The following AFDN variants were observed in gnomAD, a reference collection of about 807,000 sequenced individuals.
AFDN encodes afadin, adherens junction formation factor.
AFDN carries 68 observed loss-of-function variants against 216.6 expected under a neutral mutation model. The observed-to-expected ratio is 0.31, with a 90% CI of 0.26 to 0.38. AFDN has a LOEUF of 0.38. AFDN is among the 10% of genes least tolerant of loss of function. The probability of loss-of-function intolerance (pLI) is 1.00; values close to 1 mark genes in which losing one functional copy is unlikely to be tolerated. For synonymous variants in AFDN, 868 were observed against 853.7 expected, an observed-to-expected ratio of 1.02 and a Z score of -0.29; for missense variants, 2,136 against 2,342.0, an observed-to-expected ratio of 0.91 and a Z score of 1.82.
intron 1 of AFDN, among the ~76,000 whole-genome samples, chr6:167,832,851 T>C (rs1044198248): frequency 2.0e-5 from 3 of 152,360 alleles, no homozygotes; most frequent in South Asian, 2.1e-4. Flanking sequence ...GTTTACACTT[T>C]GCTGTGTTTT....
intron 1 of AFDN, among the ~76,000 whole-genome samples, chr6:167,834,457 GTTT>G (rs11446838): frequency 2.7e-5 from 2 of 75,256 alleles, no homozygotes; most frequent in Non-Finnish European, 4.7e-5. Flanking sequence ...TGTTGTTTCG[GTTT>G]TTTTTTTTTT....
At chr6:167,966,737 T>G (rs1163784411) in intron 32 of AFDN, among the ~76,000 whole-genome samples, 3 of 152,230 alleles carry the variant, frequency 2.0e-5, no homozygotes, top group Non-Finnish European at 4.4e-5. Flanking sequence ...AAGTAGCCTG[T>G]GGAATAGATC....
At chr6:167,838,581 C>T (rs968278186) in intron 1 of AFDN, among the ~76,000 whole-genome samples, 2 of 152,176 alleles carry the variant, frequency 1.3e-5, no homozygotes, top group African/African-American at 2.4e-5. Flanking sequence ...TAACAATCTT[C>T]GAGAGGTTAT....
At chr6:167,895,419 T>C (rs1788116841) in intron 9 of AFDN, among the ~76,000 whole-genome samples, 1 of 152,198 alleles carries the variant, frequency 6.6e-6, no homozygotes, top group Admixed American at 6.5e-5. Context: ...ATCAGGACTT[T>C]AGAGCAGTTA....
chr6:167,956,139 A>C (rs1340716803), intron 30 of AFDN, among the ~76,000 whole-genome samples: 2 of 150,748 alleles, frequency 1.3e-5, no homozygotes, highest in African/African-American at 4.9e-5. Flanking sequence ...AAAAAAAAAA[A>C]ACTATAGAAT....
Position 167,951,615 on chromosome 6 carries a change from G to C in AFDN, c.4261G>C (p.Glu1421Gln), listed in dbSNP as rs1350311180. 3 of 1,614,142 alleles carry C rather than the reference G, an allele frequency of 1.9e-6. No individual in the cohort carries two copies. Among genetic ancestry groups the C allele is most frequent in the Non-Finnish European group, 2.5e-6 (3 of 1,180,022 alleles). The change falls in exon 30 of 34, where the codon GAA becomes CAA. Residue 1421 changes from glutamate (E) to glutamine (Q), a missense_variant. Glu to Gln is a conservative substitution (Grantham distance 29). Transcript: ENST00000683244. This position sits in a 1 kb window ranked among gnomAD's most constrained non-coding sequence, Gnocchi z 7.1. The part of the protein sequence containing the change: ...VAAAERRKRE[E>Q]HQRWYEKEKA... ...TGCTGCTGAACGGAGAAAGAGAGAA[G>C]AACATCAGCGTTGGTATGAGAAGGA...
chr6:167,885,997 CAT>C (rs1281147902), intron 6 of AFDN, among the ~76,000 whole-genome samples: 6 of 151,830 alleles, frequency 4.0e-5, no homozygotes, highest in South Asian at 2.1e-4. Flanking sequence ...AGACTTTTAA[CAT>C]GTGTTATATG....
In AFDN at chr6:167,948,488, C is replaced by CA. The variant is rs1554316047; in HGVS notation, c.3831+13dup. On this transcript the variant is annotated intron_variant, in intron 29 of 33. Coordinates refer to ENST00000683244, the MANE Select transcript of AFDN (RefSeq NM_001386888.1). ...CAGTATTGCAATTCAGGTTAGAAAT[C>CA]AAAGATTCCACACACTTTTCTCACC... 3 of 1,610,718 alleles carry CA rather than the reference C, an allele frequency of 1.9e-6. No individual in the cohort carries two copies. The highest frequency in any genetic ancestry group is 2.5e-6 in the Non-Finnish European group (3 of 1,177,572).
At chr6:167,875,282 T>C in intron 4 of AFDN, 53 bp from the exon 5 acceptor site, 1 of 1,558,682 alleles carries the variant, frequency 6.4e-7, no homozygotes, top group Non-Finnish European at 8.7e-7. Context: ...ATGTGTCTAT[T>C]TCTAATAAGA....
At chr6:167,947,369 C>T (rs913380318) in intron 27 of AFDN, among the ~76,000 whole-genome samples, 72 of 151,962 alleles carry the variant, frequency 4.7e-4, no homozygotes, top group Non-Finnish European at 6.3e-4. Context: ...TTAGTAGAGA[C>T]GGGGTTTCAC....
chr6:167,944,401 C>A (rs550202650), intron 26 of AFDN, among the ~76,000 whole-genome samples: 1 of 152,214 alleles, frequency 6.6e-6, no homozygotes, highest in East Asian at 1.9e-4. Context: ...GGGAAAAAAA[C>A]TAAAGAATGA....
At chr6:167,836,479 A>G (rs1268404709) in intron 1 of AFDN, among the ~76,000 whole-genome samples, 1 of 152,218 alleles carries the variant, frequency 6.6e-6, no homozygotes, top group Non-Finnish European at 1.5e-5. Flanking sequence ...TTATGTTCTA[A>G]GACCAATCAC....
At chr6:167,834,513 G>GA (rs1210752139) in intron 1 of AFDN, among the ~76,000 whole-genome samples, 1 of 129,608 alleles carries the variant, frequency 7.7e-6, no homozygotes, top group Non-Finnish European at 1.6e-5. Flanking sequence ...TGGAACACTG[G>GA]ACTACATCTT....
chr6:167,961,579 A>G (rs1797040019), intron 30 of AFDN, among the ~76,000 whole-genome samples: 1 of 149,318 alleles, frequency 6.7e-6, no homozygotes. Context: ...TATTTGAATG[A>G]TATGAAGGAA....
chr6:167,965,285 T>C (rs1220868914), intron 31 of AFDN, among the ~76,000 whole-genome samples: 1 of 152,046 alleles, frequency 6.6e-6, no homozygotes, highest in Non-Finnish European at 1.5e-5. Flanking sequence ...TGAAAAAGAG[T>C]GCAAGTTTGC....
intron 1 of AFDN, among the ~76,000 whole-genome samples, chr6:167,838,065 T>G (rs1186143815): frequency 6.6e-6 from 1 of 152,260 alleles, no homozygotes; most frequent in African/African-American, 2.4e-5. Context: ...GATAGTAGAT[T>G]CTGTGTTTTG....
chr6:167,956,382 G>A (rs1434177378), intron 30 of AFDN, among the ~76,000 whole-genome samples: 2 of 152,058 alleles, frequency 1.3e-5, no homozygotes, highest in African/African-American at 4.8e-5. Context: ...AAAGTTGGGA[G>A]GCTGCCTGCA....
chr6:167,911,617 A>G, intron 15 of AFDN, 128 bp downstream of exon 15: 2 of 792,468 alleles, frequency 2.5e-6, no homozygotes, highest in South Asian at 1.7e-5. Flanking sequence ...AGTTATGTAA[A>G]TATTGTAGGA....
At chr6:167,908,471 A>G (rs1252880697) in intron 13 of AFDN, among the ~76,000 whole-genome samples, 2 of 152,130 alleles carry the variant, frequency 1.3e-5, no homozygotes, top group Non-Finnish European at 2.9e-5. Flanking sequence ...TTGTTGGTGG[A>G]TTATGGAGTA....
Sources: allele counts gnomAD v4.1 joint callset (sites outside exome capture counted in the v4.1 genomes callset), GRCh38; gene constraint gnomAD v4.1.1; non-coding constraint Gnocchi (gnomAD v3.1); transcripts MANE v1.5; gene names NCBI Gene and HGNC (gene_info 2026-07-23, HGNC 2026-07-21).